EMSY: variants seen among roughly 807,000 people sequenced by gnomAD.
The protein encoded by EMSY is EMSY transcriptional repressor, BRCA2 interacting.
EMSY carries 26 observed loss-of-function variants against 134.6 expected under a neutral mutation model. That is an observed-to-expected ratio of 0.19 (90% confidence interval 0.14 to 0.27). The LOEUF (loss-of-function observed/expected upper bound fraction) is 0.27. Among genes scored for constraint, EMSY ranks in the 10% least tolerant of loss-of-function variants. The pLI is 1.00. For synonymous variants in EMSY, 579 were observed against 577.8 expected (o/e 1.00, Z -0.03); for missense variants, 1,305 against 1,611.4 (o/e 0.81, Z 3.26).
At chr11:76,460,266 A>G in intron 6 of EMSY, 181 bp downstream of exon 7, 1 of 619,340 alleles carries the variant, frequency 1.6e-6, no homozygotes, top group Non-Finnish European at 2.7e-6. Context: ...TTTTTTAATC[A>G]GTTCTGGGGT....
rs1272060301 is a variant in EMSY, at chr11:76,447,040, C to G, written c.70+32C>G. 3 of 1,601,854 alleles carry G rather than the reference C, an allele frequency of 1.9e-6. No homozygotes were observed. The Admixed American group carries it at 5.0e-5, about 27-fold the overall frequency. On this transcript the variant is annotated intron_variant, in intron 2 of 20. Coordinates refer to ENST00000334736, the Ensembl canonical transcript of EMSY. ...CGTTCATTGTTTGTTTTTTACCTCT[C>G]TCTGATACCTTTTTTCCCTTTCTGC... is the stretch of plus-strand genomic sequence containing the variant.
intron 13 of EMSY, among the ~76,000 whole-genome samples, 199 bp from the exon 15 acceptor site, chr11:76,528,069 A>G (rs559133120): frequency 4.4e-4 from 67 of 152,270 alleles, no homozygotes; most frequent in Admixed American, 2.1e-3. Flanking sequence ...GGCATGTACC[A>G]CTTAAAACAT....
At chr11:76,550,208 T>C in exon 21 of EMSY, 1 of 1,336,504 alleles carries the variant, frequency 7.5e-7, no homozygotes, top group African/African-American at 1.5e-5. Context: ...GGGAAACCCT[T>C]GTATTTTGAT....
At chr11:76,467,877 G>T (rs1253485756) in intron 7 of EMSY, among the ~76,000 whole-genome samples, 1 of 151,858 alleles carries the variant, frequency 6.6e-6, no homozygotes, top group Non-Finnish European at 1.5e-5. Flanking sequence ...TACTCGGTAG[G>T]CTGAGGCAGG....
chr11:76,545,540 G>A (rs1258636065), intron 19 of EMSY, among the ~76,000 whole-genome samples: 1 of 152,190 alleles, frequency 6.6e-6, no homozygotes, highest in East Asian at 1.9e-4. Flanking sequence ...AAACTAGGCT[G>A]CTGAGACTAC....
exon 21 of EMSY, chr11:76,550,306 T>G: frequency 1.1e-5 from 5 of 443,976 alleles, no homozygotes; most frequent in Non-Finnish European, 1.5e-5. Flanking sequence ...AGCAGCTTTT[T>G]AAAACAAGAT....
At chr11:76,474,802 C>T (rs1192845765) in intron 8 of EMSY, among the ~76,000 whole-genome samples, 6 of 152,156 alleles carry the variant, frequency 3.9e-5, no homozygotes, top group African/African-American at 4.8e-5. Flanking sequence ...CTCCCTCTGT[C>T]GCCCAGGCTA....
At chr11:76,472,509 A>G in intron 7 of EMSY, 55 bp from the exon 9 acceptor site, 1 of 1,478,638 alleles carries the variant, frequency 6.8e-7, no homozygotes, top group Non-Finnish European at 9.3e-7. Context: ...CTGTGAGTCT[A>G]GATACATTAG....
At chr11:76,448,006 C>T (rs1283669839) in intron 2 of EMSY, among the ~76,000 whole-genome samples, 2 of 152,138 alleles carry the variant, frequency 1.3e-5, no homozygotes, top group Admixed American at 1.3e-4. Context: ...GGTATTATTA[C>T]AAATGACCCA....
exon 18 of EMSY, chr11:76,542,228 C>T (rs1951464220): frequency 6.2e-7 from 1 of 1,614,170 alleles, no homozygotes; most frequent in Non-Finnish European, 8.5e-7. Flanking sequence ...AGCCATCGCT[C>T]CCAGCCCCAA....
intron 11 of EMSY, among the ~76,000 whole-genome samples, chr11:76,522,419 G>A (rs1356394903): frequency 1.6e-5 from 2 of 126,020 alleles, no homozygotes; most frequent in Non-Finnish European, 3.2e-5. Context: ...CCAGGATGGA[G>A]TGCAGTGGCG....
chr11:76,540,048 CTAATTT>C (rs1186966360), intron 17 of EMSY, among the ~76,000 whole-genome samples: 1 of 152,090 alleles, frequency 6.6e-6, no homozygotes, highest in East Asian at 1.9e-4. Flanking sequence ...CTAGTTCTCT[CTAATTT>C]TCCTGAACTC....
At chr11:76,516,220 A>G (rs1193030088) in exon 11 of EMSY, 1 of 1,613,630 alleles carries the variant, frequency 6.2e-7, no homozygotes, top group Non-Finnish European at 8.5e-7. Context: ...GCTGCAACCT[A>G]TGTGAAAACT....
chr11:76,525,170 C>T (rs2136314826), intron 12 of EMSY, among the ~76,000 whole-genome samples: 1 of 152,276 alleles, frequency 6.6e-6, no homozygotes, highest in South Asian at 2.1e-4. Flanking sequence ...TGGCCAGGGT[C>T]CATTGAGCTA....
intron 4 of EMSY, among the ~76,000 whole-genome samples, chr11:76,455,754 T>C (rs1346091544): frequency 6.6e-6 from 1 of 152,230 alleles, no homozygotes; most frequent in Non-Finnish European, 1.5e-5. Context: ...AGTAGTTTGA[T>C]ACTCTTAATT....
chr11:76,538,243 A>T (rs1227827474), intron 16 of EMSY, among the ~76,000 whole-genome samples: 1 of 151,922 alleles, frequency 6.6e-6, no homozygotes, highest in Non-Finnish European at 1.5e-5. Context: ...TCTAAGAATG[A>T]GTTTTGTTTG....
chr11:76,467,713 C>T (rs913336507), intron 7 of EMSY, among the ~76,000 whole-genome samples: 7 of 152,092 alleles, frequency 4.6e-5, no homozygotes, highest in African/African-American at 7.2e-5. Flanking sequence ...GATCATAGGC[C>T]GGGTGTGGTG....
intron 13 of EMSY, 121 bp downstream of exon 14, chr11:76,526,756 A>G (rs964771196): frequency 9.4e-6 from 9 of 955,314 alleles, no homozygotes; most frequent in African/African-American, 1.7e-5. Flanking sequence ...GTTAAAAGTT[A>G]TGTTTGAATG....
chr11:76,484,318 C>A (rs1949095564), intron 8 of EMSY, among the ~76,000 whole-genome samples: 1 of 152,124 alleles, frequency 6.6e-6, no homozygotes, highest in Non-Finnish European at 1.5e-5. Flanking sequence ...AAAATTGACA[C>A]CCTAACATCA....
Sources: allele counts gnomAD v4.1 joint callset (sites outside exome capture counted in the v4.1 genomes callset), GRCh38; gene constraint gnomAD v4.1.1; transcripts MANE v1.5; gene names NCBI Gene and HGNC (gene_info 2026-07-23, HGNC 2026-07-21).